Variants in ANO3 observed in about 807,000 individuals in gnomAD.
The protein encoded by ANO3 is anoctamin 3.
ANO3 carries 99 observed loss-of-function variants against 144.8 expected under a neutral mutation model. The observed-to-expected ratio is 0.68, with a 90% CI of 0.58 to 0.81. ANO3 has a LOEUF of 0.81. ANO3 is among the 30% of genes least tolerant of loss of function. The probability of loss-of-function intolerance (pLI) is 0.00; values close to 1 mark genes in which losing one functional copy is unlikely to be tolerated. For missense variants in ANO3, 905 were observed against 1,202.2 expected (o/e 0.75, Z 3.66); for synonymous variants, 414 against 392.6 (o/e 1.05, Z -0.64).
chr11:26,517,771 T>C (rs1861915521), intron 6 of ANO3, among the ~76,000 whole-genome samples: 4 of 152,038 alleles, frequency 2.6e-5, no homozygotes, highest in Admixed American at 6.6e-5. Flanking sequence ...CCAACTCTGG[T>C]AGAAGTGCTG....
intron 24 of ANO3, among the ~76,000 whole-genome samples, chr11:26,654,093 G>A (rs953450316): frequency 6.6e-6 from 1 of 152,056 alleles, no homozygotes; most frequent in African/African-American, 2.4e-5. Flanking sequence ...AATATTATGT[G>A]CTGTAATCTT....
chr11:26,268,541 G>A (rs1459528500), intron 1 of ANO3, among the ~76,000 whole-genome samples: 1 of 152,094 alleles, frequency 6.6e-6, no homozygotes, highest in Non-Finnish European at 1.5e-5. Context: ...AAAAACAAAA[G>A]TATCTTCTGA....
At chr11:26,272,150 C>T (rs2133836947) in intron 1 of ANO3, among the ~76,000 whole-genome samples, 1 of 152,118 alleles carries the variant, frequency 6.6e-6, no homozygotes, top group South Asian at 2.1e-4. Flanking sequence ...TCTTGCATCG[C>T]TTTCATCATA....
At chr11:26,608,307 C>A (rs1054535829) in intron 17 of ANO3, among the ~76,000 whole-genome samples, 2 of 152,114 alleles carry the variant, frequency 1.3e-5, no homozygotes, top group African/African-American at 4.8e-5. Context: ...AAGATGGGTG[C>A]CTGCTCATTC....
At chr11:26,525,603 C>T (rs1565078720) in intron 6 of ANO3, 32 bp from the exon 7 acceptor site, 1 of 1,590,146 alleles carries the variant, frequency 6.3e-7, no homozygotes, top group Non-Finnish European at 8.6e-7. Flanking sequence ...TTTCCTGTGG[C>T]TTTCCTTAGC....
chr11:26,287,574 T>C (rs1414161786), intron 1 of ANO3: 1 of 152,128 alleles, frequency 6.6e-6, no homozygotes, highest in Non-Finnish European at 1.5e-5. Context: ...AACAAAAATA[T>C]ATGATAAGTA....
At chr11:26,495,074 C>CATTTATTTATTTATTT (rs56862775) in intron 4 of ANO3, among the ~76,000 whole-genome samples, 45 of 143,454 alleles carry the variant, frequency 3.1e-4, no homozygotes, top group Admixed American at 7.0e-4. Flanking sequence ...TAAATATCTA[C>CATTTATTTATTTATTT]ATTTATTTAT....
At chr11:26,448,067 A>T (rs1265589653) in intron 3 of ANO3, among the ~76,000 whole-genome samples, 1 of 152,184 alleles carries the variant, frequency 6.6e-6, no homozygotes, top group Non-Finnish European at 1.5e-5. Context: ...TGGGAGGCTG[A>T]GGCAGGTGGA....
intron 1 of ANO3, among the ~76,000 whole-genome samples, chr11:26,376,878 C>T (rs987732708): frequency 2.6e-5 from 4 of 151,884 alleles, no homozygotes; most frequent in African/African-American, 9.7e-5. Context: ...GAAATTTGTC[C>T]TTATAGGAGC....
chr11:26,593,973 GT>G (rs1851532032), intron 14 of ANO3, among the ~76,000 whole-genome samples: 1 of 152,094 alleles, frequency 6.6e-6, no homozygotes, highest in Non-Finnish European at 1.5e-5. Flanking sequence ...GACTTTTGAA[GT>G]TTTTTTCTAA....
At chr11:26,423,309 CTTT>C (rs142064982) in intron 1 of ANO3, among the ~76,000 whole-genome samples, 3,928 of 135,178 alleles carry the variant, frequency 0.029, 185 homozygotes, top group African/African-American at 0.095. Flanking sequence ...TACCTTTATA[CTTT>C]TTTTTTTTTT....
At chr11:26,602,478 A>G (rs1415426908) in intron 17 of ANO3, among the ~76,000 whole-genome samples, 1 of 152,160 alleles carries the variant, frequency 6.6e-6, no homozygotes, top group Admixed American at 6.5e-5. Context: ...TGCAATCCCA[A>G]CACTTTGGGA....
intron 4 of ANO3, among the ~76,000 whole-genome samples, chr11:26,468,381 T>C (rs1386598441): frequency 6.6e-6 from 1 of 151,966 alleles, no homozygotes; most frequent in Non-Finnish European, 1.5e-5. Context: ...GAAAGGATAT[T>C]GGGTATCAAA....
In ANO3 at chr11:26,598,944, T is replaced by G; in HGVS notation, c.1617T>G (p.Pro539=). 1 of 1,614,080 alleles carries G rather than the reference T, an allele frequency of 6.2e-7. No homozygotes were observed. Residue 539 remains proline, a synonymous_variant, in exon 16 of 27, where the codon CCT becomes CCG. Coordinates refer to ENST00000256737, the MANE Select transcript of ANO3 (RefSeq NM_031418.4). ...CGGGAAAACCTGAACCACATCAGCC[T>G]TCCTCAGACAAAGTCACTCGTCTTC... The part of the protein sequence containing the change: ...PITGKPEPHQ[P]SSDKVTRLLV...
intron 1 of ANO3, among the ~76,000 whole-genome samples, chr11:26,358,044 A>C (rs118190193): frequency 6.6e-6 from 1 of 152,202 alleles, no homozygotes; most frequent in Non-Finnish European, 1.5e-5. Context: ...GTCAATCTTT[A>C]TAACAACTTC....
chr11:26,351,948 A>G (rs1855656269), intron 1 of ANO3, among the ~76,000 whole-genome samples: 1 of 152,214 alleles, frequency 6.6e-6, no homozygotes, highest in Non-Finnish European at 1.5e-5. Context: ...TTTCATCCCT[A>G]TGTATTAACA....
At chr11:26,358,640 G>A (rs2133921700) in intron 1 of ANO3, among the ~76,000 whole-genome samples, 1 of 152,150 alleles carries the variant, frequency 6.6e-6, no homozygotes, top group Non-Finnish European at 1.5e-5. Context: ...TCTTAAATAT[G>A]TGGGTGTACA....
chr11:26,325,666 A>G (rs923902174), intron 1 of ANO3, among the ~76,000 whole-genome samples: 5 of 152,210 alleles, frequency 3.3e-5, no homozygotes, highest in African/African-American at 1.2e-4. Flanking sequence ...TTGATTTCAA[A>G]TCCCATTCAA....
chr11:26,243,415 T>C (rs919547823), intron 1 of ANO3, among the ~76,000 whole-genome samples: 2 of 151,686 alleles, frequency 1.3e-5, no homozygotes, highest in African/African-American at 4.8e-5. Flanking sequence ...ACGTAAGCCC[T>C]CTCATACAAT....
Sources: allele counts gnomAD v4.1 joint callset (sites outside exome capture counted in the v4.1 genomes callset), GRCh38; gene constraint gnomAD v4.1.1; transcripts MANE v1.5; gene names NCBI Gene and HGNC (gene_info 2026-07-23, HGNC 2026-07-21).